RDX: variants seen among roughly 807,000 people sequenced by gnomAD.
RDX encodes the protein radixin, also known as deafness, autosomal recessive 24.
In RDX, 32 loss-of-function variants were observed where a neutral mutation model predicts 83.7. That is an observed-to-expected ratio of 0.38 (90% CI 0.29 to 0.51). The LOEUF is 0.51. Among genes scored for constraint, RDX ranks in the 20% least tolerant of loss-of-function variants. The pLI is 0.87. For missense variants in RDX, 600 were observed against 689.9 expected (o/e 0.87, Z 1.46); for synonymous variants, 229 against 222.7 (o/e 1.03, Z -0.25).
At chr11:110,240,924 C>T (rs1323573258) in intron 10 of RDX, among the ~76,000 whole-genome samples, 3 of 150,242 alleles carry the variant, frequency 2.0e-5, no homozygotes, top group African/African-American at 7.3e-5. Context: ...GGTGTGGTGG[C>T]GGGCGCCTGT....
chr11:110,247,806 T>G lies in RDX; in HGVS notation c.987A>C (p.Lys329Asn), dbSNP rs1565313533. ...CCTTTTCCTTTTCTGCTATTTCTCT[T>G]TTCTTCTTTTCATTCTCTAATTGTG... Reference protein sequence around the residue: ...ERAQLENEKKKREIAEKEKER... With the variant: ...ERAQLENEKKNREIAEKEKER... Residue 329 changes from lysine to asparagine, a missense_variant, in exon 10 of 14, where the codon AAA becomes AAC. Transcript: ENST00000645495. 6.3e-7 allele frequency: 1 copy of G among 1,580,230 alleles called. No individual in the cohort carries two copies. The highest frequency in any genetic ancestry group is 2.3e-5 in the East Asian group (1 of 43,924).
At chr11:110,248,254 A>G (rs1344661516) in intron 9 of RDX, among the ~76,000 whole-genome samples, 1 of 152,240 alleles carries the variant, frequency 6.6e-6, no homozygotes, top group Non-Finnish European at 1.5e-5. Context: ...ATAATTGGAA[A>G]TAGTATTCAT....
chr11:110,272,590 A>G lies in RDX; in HGVS notation c.42T>C (p.Ala14=), dbSNP rs1238554195. 1 of 1,612,312 alleles carries G rather than the reference A, an allele frequency of 6.2e-7. No homozygotes were observed. Among genetic ancestry groups the G allele is most frequent in the South Asian group, 1.1e-5 (1 of 90,826 alleles). The stretch of plus-strand genomic sequence containing the variant: ...TGGGCTGAATGGCAAATTCCAGCTC[A>G]GCATCCATTGTAGTTACTCTTACGT... The part of the protein sequence containing the change: ...PINVRVTTMD[A]ELEFAIQPNT... Residue 14 remains alanine, a synonymous_variant, in exon 3 of 14, where the codon GCT becomes GCC. Transcript: ENST00000645495.
intron 14 of RDX, among the ~76,000 whole-genome samples, chr11:110,218,174 G>A (rs1371968556): frequency 6.6e-6 from 1 of 152,178 alleles, no homozygotes; most frequent in Non-Finnish European, 1.5e-5. Context: ...GCTGACAGAG[G>A]ACACTGTTAG....
At chr11:110,215,576 G>A (rs1489052057) in intron 14 of RDX, among the ~76,000 whole-genome samples, 1 of 152,040 alleles carries the variant, frequency 6.6e-6, no homozygotes, top group Non-Finnish European at 1.5e-5. Context: ...TCAATCTGGT[G>A]GGTTTGATCA....
chr11:110,189,254 A>T (rs1321817822), intron 15 of RDX, among the ~76,000 whole-genome samples: 4 of 147,464 alleles, frequency 2.7e-5, no homozygotes, highest in African/African-American at 5.0e-5. Context: ...AAAAAAAAAA[A>T]AAAAAAAAAA....
intron 5 of RDX, among the ~76,000 whole-genome samples, chr11:110,261,829 G>A (rs541368034): frequency 6.6e-6 from 1 of 152,154 alleles, no homozygotes; most frequent in Non-Finnish European, 1.5e-5. Context: ...AATAGAGTAG[G>A]TTAGAGCACA....
intron 14 of RDX, among the ~76,000 whole-genome samples, chr11:110,201,591 C>T (rs911608030): frequency 6.6e-6 from 1 of 152,112 alleles, no homozygotes; most frequent in Non-Finnish European, 1.5e-5. Flanking sequence ...GGGTGAGATA[C>T]ATAAAAATCA....
chr11:110,251,189 T>G (rs1438388211), intron 9 of RDX, among the ~76,000 whole-genome samples: 1 of 152,226 alleles, frequency 6.6e-6, no homozygotes, highest in Non-Finnish European at 1.5e-5. Context: ...CTCATTTCAA[T>G]GCAGTTGTTC....
intron 10 of RDX, among the ~76,000 whole-genome samples, chr11:110,239,112 C>T (rs1032251428): frequency 6.6e-6 from 1 of 151,010 alleles, no homozygotes; most frequent in Non-Finnish European, 1.5e-5. Flanking sequence ...GACATCATCT[C>T]TTCTTAAAAA....
At chr11:110,296,143 C>A (rs763709203) in intron 1 of RDX, among the ~76,000 whole-genome samples, 1 of 152,208 alleles carries the variant, frequency 6.6e-6, no homozygotes. Context: ...GACACCGGCG[C>A]TGAAGGCAGA....
intron 1 of RDX, among the ~76,000 whole-genome samples, chr11:110,295,848 A>C (rs1861433003): frequency 1.3e-5 from 2 of 152,214 alleles, no homozygotes; most frequent in Admixed American, 6.5e-5. Context: ...TGCGGCCGGG[A>C]ACCGCGGCCC....
intron 15 of RDX, among the ~76,000 whole-genome samples, chr11:110,176,154 C>T (rs1386655932): frequency 7.3e-5 from 11 of 150,898 alleles, no homozygotes; most frequent in East Asian, 3.9e-4. Flanking sequence ...GGCGTGACCT[C>T]GGCTCACTGT....
intron 14 of RDX, among the ~76,000 whole-genome samples, chr11:110,212,364 G>A (rs1188560274): frequency 7.9e-6 from 1 of 127,190 alleles, no homozygotes; most frequent in Non-Finnish European, 1.7e-5. Context: ...ACCAAAAAGA[G>A]TCCAGGACCA....
chr11:110,275,132 A>G (rs909553963), intron 2 of RDX, among the ~76,000 whole-genome samples: 1 of 152,232 alleles, frequency 6.6e-6, no homozygotes, highest in Non-Finnish European at 1.5e-5. Flanking sequence ...ATATGGTATT[A>G]AAGTGGGATC....
At chr11:110,228,539 T>C (rs986419965), downstream of RDX, among the ~76,000 whole-genome samples, 3 of 152,080 alleles carry the variant, frequency 2.0e-5, no homozygotes, top group Non-Finnish European at 4.4e-5. Flanking sequence ...ATGCTAAAGT[T>C]AGTAATCCCT....
rs1349688341 is a variant in RDX at position 110,272,529 on chromosome 11, G to GT, written c.96+6dup. The GT allele has an allele frequency of 1.3e-6, 2 of 1,593,394 alleles. No homozygotes were observed. Among genetic ancestry groups the GT allele is most frequent in the Non-Finnish European group, 1.7e-6 (2 of 1,162,744 alleles). ...TCAAAAGTTGCATATTTCATGCAGT[G>GT]TAATACCTGGTCAAAAAGTTGTTTG... is the stretch of plus-strand genomic sequence containing the variant. On this transcript the variant is annotated splice_region_variant and intron_variant, in intron 3 of 13. Coordinates refer to ENST00000645495, the MANE Select transcript of RDX (RefSeq NM_002906.4).
intron 5 of RDX, 123 bp downstream of exon 5, chr11:110,263,837 C>T (rs1859901296): frequency 1.2e-6 from 1 of 839,254 alleles, no homozygotes; most frequent in Admixed American, 2.6e-5. Context: ...CACTGCACTC[C>T]AGCATGGGTG....
intron 15 of RDX, among the ~76,000 whole-genome samples, chr11:110,188,993 C>T (rs1343362645): frequency 6.6e-6 from 1 of 151,972 alleles, no homozygotes; most frequent in African/African-American, 2.4e-5. Flanking sequence ...CCAAACCTCA[C>T]ATATCAACGT....
Sources: allele counts gnomAD v4.1 joint callset (sites outside exome capture counted in the v4.1 genomes callset), GRCh38; gene constraint gnomAD v4.1.1; transcripts MANE v1.5; gene names NCBI Gene and HGNC (gene_info 2026-07-23, HGNC 2026-07-21).